RAB3IL1: variants seen among roughly 807,000 people sequenced by gnomAD.
RAB3IL1 encodes the protein RAB3A interacting protein like 1, also known as guanine nucleotide exchange factor for Rab-3A.
In RAB3IL1, 37 loss-of-function variants were observed where a neutral mutation model predicts 49.2. That is an observed-to-expected ratio of 0.75 (90% CI 0.58 to 0.99). RAB3IL1 has a LOEUF of 0.99. RAB3IL1 is among the 50% of genes least tolerant of loss of function. The pLI is 0.00. For missense variants in RAB3IL1, 484 were observed against 513.0 expected, an observed-to-expected ratio of 0.94 and a Z score of 0.55; for synonymous variants, 193 against 213.9, an observed-to-expected ratio of 0.90 and a Z score of 0.85.
chr11:61,922,762 C>T (rs1020987065), upstream of RAB3IL1, among the ~76,000 whole-genome samples: 3 of 152,148 alleles, frequency 2.0e-5, no homozygotes, highest in Admixed American at 6.5e-5. Flanking sequence ...GGCTGCGAAG[C>T]TCTCTCAGCC....
the RAB3IL1 span, among the ~76,000 whole-genome samples, chr11:61,934,450 G>GTGTATGTATATATATATA: frequency 6.3e-5 from 2 of 31,624 alleles, no homozygotes; most frequent in African/African-American, 1.8e-4. Context: ...GTGTGTGTAT[G>GTGTATGTATATATATATA]TATATATATA....
chr11:61,939,503 A>C, the RAB3IL1 span, among the ~76,000 whole-genome samples: 1 of 152,138 alleles, frequency 6.6e-6, no homozygotes, highest in South Asian at 2.1e-4. Context: ...AGCAAGCAAA[A>C]GAAAGAATAA....
At chr11:61,917,280 AC>A in intron 1 of RAB3IL1, 76 bp downstream of exon 1, 2 of 1,342,168 alleles carry the variant, frequency 1.5e-6, no homozygotes. Flanking sequence ...CCCGGCGGGG[AC>A]CCCCGAAATC....
chr11:61,901,827 C>A (rs138510260), intron 8 of RAB3IL1, among the ~76,000 whole-genome samples: 4 of 152,214 alleles, frequency 2.6e-5, no homozygotes, highest in Non-Finnish European at 5.9e-5. Flanking sequence ...CAGCTTACTG[C>A]GACCTTGCAA....
At chr11:61,945,782 T>A in the RAB3IL1 span, 1 of 985,284 alleles carries the variant, frequency 1.0e-6, no homozygotes, top group Non-Finnish European at 1.2e-6. Flanking sequence ...CCTGGCCGAC[T>A]GCAGCCTGGC....
At chr11:61,918,311 G>A (rs1028751268), upstream of RAB3IL1, among the ~76,000 whole-genome samples, 1 of 152,210 alleles carries the variant, frequency 6.6e-6, no homozygotes, top group Non-Finnish European at 1.5e-5. Flanking sequence ...ACCAGTAAGA[G>A]CAGAACCCGT....
the RAB3IL1 span, among the ~76,000 whole-genome samples, chr11:61,942,019 T>C: frequency 1.3e-5 from 2 of 152,072 alleles, no homozygotes; most frequent in Admixed American, 1.3e-4. Context: ...GAGACCAGCC[T>C]GGCCAGCATG....
chr11:61,916,071 C>T (rs1468326850), intron 1 of RAB3IL1, among the ~76,000 whole-genome samples: 3 of 144,508 alleles, frequency 2.1e-5, no homozygotes, highest in South Asian at 2.2e-4. Flanking sequence ...TAGGGCAGGG[C>T]GTGGTGGTAA....
chr11:61,923,776 G>A (rs1479719496), upstream of RAB3IL1, among the ~76,000 whole-genome samples: 2 of 152,210 alleles, frequency 1.3e-5, no homozygotes, highest in Non-Finnish European at 2.9e-5. Flanking sequence ...TTTGGACAGC[G>A]CGGATGGAAT....
the RAB3IL1 span, among the ~76,000 whole-genome samples, chr11:61,932,634 A>G: frequency 7.9e-5 from 12 of 152,230 alleles, no homozygotes; most frequent in African/African-American, 2.4e-4. Context: ...AATAAAAGAC[A>G]TTAAAAAGAA....
At chr11:61,926,376 G>A in the RAB3IL1 span, among the ~76,000 whole-genome samples, 8 of 152,210 alleles carry the variant, frequency 5.3e-5, no homozygotes, top group East Asian at 9.6e-4. Flanking sequence ...TATGTGTAGC[G>A]GGGGATTCAG....
the RAB3IL1 span, among the ~76,000 whole-genome samples, chr11:61,936,592 T>C: frequency 6.6e-6 from 1 of 152,218 alleles, no homozygotes; most frequent in African/African-American, 2.4e-5. Context: ...TCCACCCACC[T>C]CGACCTCCCA....
upstream of RAB3IL1, among the ~76,000 whole-genome samples, chr11:61,920,644 T>C (rs1226781460): frequency 2.6e-5 from 4 of 152,276 alleles, no homozygotes; most frequent in African/African-American, 9.6e-5. Flanking sequence ...TTGTTATTGG[T>C]GGGGCGCGGA....
At chr11:61,942,212 A>AAAAC in the RAB3IL1 span, among the ~76,000 whole-genome samples, 5 of 152,358 alleles carry the variant, frequency 3.3e-5, no homozygotes, top group East Asian at 9.6e-4. Flanking sequence ...ACTCCGTCTC[A>AAAAC]AAACAAACAA....
Position 61,917,492 on chromosome 11 carries a change from C to G in RAB3IL1, c.-125G>C. 8.7e-7 allele frequency: 1 copy of G among 1,145,054 alleles called. No individual in the cohort carries two copies. Among genetic ancestry groups the G allele is most frequent in the Non-Finnish European group, 1.1e-6 (1 of 934,064 alleles). The allele number at this position is 1,145,054 out of a possible 1,614,324, so 70.9% of individuals were successfully genotyped here. On this transcript the variant is annotated 5_prime_UTR_variant, in exon 1 of 10. Transcript: ENST00000394836. ...CCCCACCGCCTGTCAGCCCTGCCCG[C>G]GGCCGGTCAGTAGGTCTCAGACGCC...
intron 1 of RAB3IL1, among the ~76,000 whole-genome samples, chr11:61,908,870 C>T (rs1483739382): frequency 1.6e-4 from 25 of 152,342 alleles, no homozygotes. Context: ...TTGGACAAGA[C>T]AGACCCACTT....
chr11:61,901,278 G>A (rs556201735), intron 8 of RAB3IL1, among the ~76,000 whole-genome samples: 29 of 152,296 alleles, frequency 1.9e-4, no homozygotes, highest in African/African-American at 6.5e-4. Flanking sequence ...GTCAACAGAG[G>A]GACAGAGGAA....
chr11:61,940,452 GA>G, the RAB3IL1 span, among the ~76,000 whole-genome samples: 27 of 141,170 alleles, frequency 1.9e-4, no homozygotes, highest in African/African-American at 4.4e-4. Flanking sequence ...CAAAAAAAAA[GA>G]AAAAAAAAAG....
chr11:61,907,948 C>G, intron 2 of RAB3IL1, 106 bp downstream of exon 2: 1 of 1,472,570 alleles, frequency 6.8e-7, no homozygotes, highest in Non-Finnish European at 9.1e-7. Flanking sequence ...GGTGAGGGCA[C>G]ATCCCTCTCC....
Sources: gnomAD v4.1 joint callset for allele counts (sites outside exome capture counted in the v4.1 genomes callset) on GRCh38, gnomAD v4.1.1 for gene constraint, MANE v1.5 for transcripts, NCBI Gene and HGNC (gene_info 2026-07-23, HGNC 2026-07-21) for gene names.